Variants in CNTNAP5 observed in about 807,000 individuals in gnomAD.
The protein encoded by CNTNAP5 is contactin associated protein family member 5, also known as contactin-associated protein-like 5.
Under a neutral mutation model 150.2 loss-of-function variants are expected in CNTNAP5, and 72 were observed. That is an observed-to-expected ratio of 0.48 (90% confidence interval 0.40 to 0.58). CNTNAP5 has a LOEUF of 0.58. Ranked by LOEUF, CNTNAP5 falls within the 20% of genes least tolerant of loss-of-function variation. The pLI is 0.00. For missense variants in CNTNAP5, 1,636 were observed against 1,626.2 expected, an observed-to-expected ratio of 1.01 and a Z score of -0.10; for synonymous variants, 672 against 619.8, an observed-to-expected ratio of 1.08 and a Z score of -1.25.
At position 124,637,336 on chromosome 2, in the gene CNTNAP5, C is replaced by G. The variant is rs143317734; in HGVS notation, c.1877-10422C>G. 3.9e-5 allele frequency among the ~76,000 whole-genome samples: 6 copies of G among 152,202 alleles called. No homozygotes were observed. The East Asian group carries it at 1.2e-3, about 29-fold the overall frequency. ...TTGATCTTTTCTGGAGATTAAAAGA[C>G]AGTTGTTAAATAAAATATCCCATAC... On this transcript the variant is annotated intron_variant, in intron 12 of 23. Transcript: ENST00000682447.
chr2:124,901,858 T>C (rs1265012666), intron 21 of CNTNAP5, among the ~76,000 whole-genome samples: 5 of 152,150 alleles, frequency 3.3e-5, no homozygotes, highest in African/African-American at 1.2e-4. Context: ...TAATTTCTCA[T>C]TTTCCTCCAT....
intron 1 of CNTNAP5, among the ~76,000 whole-genome samples, chr2:124,205,200 AT>A (rs1685831609): frequency 6.6e-6 from 1 of 152,070 alleles, no homozygotes; most frequent in African/African-American, 2.4e-5. Flanking sequence ...TGATTGGGTC[AT>A]GGGGGCGGTT....
chr2:124,806,704 A>G (rs958282696), intron 19 of CNTNAP5, among the ~76,000 whole-genome samples: 1 of 152,186 alleles, frequency 6.6e-6, no homozygotes, highest in South Asian at 2.1e-4. Flanking sequence ...AGAAAGAAAA[A>G]AGGAGTGCAC....
chr2:124,228,276 G>A (rs1483080278), intron 2 of CNTNAP5, among the ~76,000 whole-genome samples: 1 of 152,108 alleles, frequency 6.6e-6, no homozygotes, highest in Non-Finnish European at 1.5e-5. Context: ...CTGCCTTTTT[G>A]TTCTATCTGG....
chr2:124,316,678 GC>G (rs1688968464), intron 3 of CNTNAP5, among the ~76,000 whole-genome samples: 1 of 151,592 alleles, frequency 6.6e-6, no homozygotes, highest in South Asian at 2.1e-4. Flanking sequence ...GGTGGCAGGT[GC>G]CTGTAGTCCC....
At chr2:124,737,793 G>A (rs1004985046) in intron 13 of CNTNAP5, among the ~76,000 whole-genome samples, 3 of 152,064 alleles carry the variant, frequency 2.0e-5, no homozygotes, top group African/African-American at 7.2e-5. Flanking sequence ...AGGGTCTGTC[G>A]TCGACTAGCT....
chr2:124,455,549 C>G lies in CNTNAP5; in HGVS notation c.918+8612C>G, dbSNP rs370817866. Among the ~76,000 whole-genome samples, 3 of 152,056 alleles carry G rather than the reference C, an allele frequency of 2.0e-5. No individual in the cohort carries two copies. The East Asian group carries it at 5.8e-4, about 29-fold the overall frequency. On this transcript the variant is annotated intron_variant, in intron 6 of 23. Transcript: ENST00000682447. ...AGACATGATAGAGAAAGAGAGAACC[C>G]TCCCTAAGTCATTCTATGAAGCCAA...
intron 1 of CNTNAP5, among the ~76,000 whole-genome samples, chr2:124,138,676 G>A (rs565361280): frequency 6.6e-6 from 1 of 152,232 alleles, no homozygotes; most frequent in South Asian, 2.1e-4. Context: ...TTGGAGAATT[G>A]GTCCCCGAGT....
intron 3 of CNTNAP5, among the ~76,000 whole-genome samples, chr2:124,364,165 C>T (rs1231771653): frequency 6.6e-6 from 1 of 152,160 alleles, no homozygotes; most frequent in African/African-American, 2.4e-5. Flanking sequence ...CACACTTCTC[C>T]TTTCTTGTTG....
chr2:124,328,440 C>T (rs1558852809), intron 3 of CNTNAP5, among the ~76,000 whole-genome samples: 1 of 152,190 alleles, frequency 6.6e-6, no homozygotes, highest in Non-Finnish European at 1.5e-5. Context: ...TTGAACTCAT[C>T]CCAGAGCTCA....
intron 4 of CNTNAP5, among the ~76,000 whole-genome samples, chr2:124,426,659 C>A (rs923729429): frequency 6.6e-6 from 1 of 152,160 alleles, no homozygotes; most frequent in African/African-American, 2.4e-5. Context: ...CACTCAGGAG[C>A]CCAGCTGGCC....
rs1558743458 is a variant in CNTNAP5 at position 124,707,035 on chromosome 2, GAA to G, written c.2078-40193_2078-40192del. Among the ~76,000 whole-genome samples the G allele has an allele frequency of 2.6e-4, 34 of 132,530 alleles. 6 individuals carry two copies. Among genetic ancestry groups the G allele is most frequent in the East Asian group, 9.1e-4 (4 of 4,408 alleles). The allele number at this position is 132,530 out of a possible 152,430, so 86.9% of individuals were successfully genotyped here. A position where few individuals can be genotyped will look rare whatever the true frequency, so the allele number is the denominator to read the frequency against. ...AGGAGGAGGAGAAGAAGAAGAAGAAGAAGAAGGAGGAGGAGGAGGAGGAGGAG... is the reference window on the plus strand; with the variant it reads ...AGGAGGAGGAGAAGAAGAAGAAGAAGGAAGGAGGAGGAGGAGGAGGAGGAG... On this transcript the variant is annotated intron_variant, in intron 13 of 23. Transcript: ENST00000682447.
chr2:124,718,601 A>G (rs1051982384), intron 13 of CNTNAP5, among the ~76,000 whole-genome samples: 1 of 152,140 alleles, frequency 6.6e-6, no homozygotes, highest in Non-Finnish European at 1.5e-5. Flanking sequence ...GTGATTATGT[A>G]TGTGGAACTG....
At chr2:124,138,139 C>A (rs74858503) in intron 1 of CNTNAP5, among the ~76,000 whole-genome samples, 2 of 152,178 alleles carry the variant, frequency 1.3e-5, no homozygotes, top group Non-Finnish European at 1.5e-5. Context: ...CCGACCTCCT[C>A]TCCCTCCTCT....
chr2:124,863,171 A>G (rs1406517712), intron 19 of CNTNAP5, among the ~76,000 whole-genome samples: 2 of 152,204 alleles, frequency 1.3e-5, no homozygotes, highest in Non-Finnish European at 2.9e-5. Flanking sequence ...AGCCTTAAGG[A>G]ATGTGGGGGT....
At chr2:124,242,663 T>A (rs1686917008) in intron 3 of CNTNAP5, among the ~76,000 whole-genome samples, 1 of 152,148 alleles carries the variant, frequency 6.6e-6, no homozygotes, top group Non-Finnish European at 1.5e-5. Context: ...TCTTCATCTA[T>A]AAAAATTAAT....
At chr2:124,875,913 A>G (rs1677851522) in intron 21 of CNTNAP5, among the ~76,000 whole-genome samples, 1 of 152,018 alleles carries the variant, frequency 6.6e-6, no homozygotes, top group Non-Finnish European at 1.5e-5. Context: ...AAAAGAGAAA[A>G]CAATAGTTGG....
chr2:124,198,014 T>A (rs1165710468), intron 1 of CNTNAP5, among the ~76,000 whole-genome samples: 2 of 151,556 alleles, frequency 1.3e-5, no homozygotes, highest in African/African-American at 2.4e-5. Context: ...ATAATAATAA[T>A]AAAACAATAC....
At chr2:124,544,097 A>G (rs1261650798) in intron 10 of CNTNAP5, among the ~76,000 whole-genome samples, 2 of 152,156 alleles carry the variant, frequency 1.3e-5, no homozygotes, top group African/African-American at 2.4e-5. Flanking sequence ...GTTGGCAAGT[A>G]TCTTCCACCC....
Sources: gnomAD v4.1 joint callset for allele counts (sites outside exome capture counted in the v4.1 genomes callset) on GRCh38, gnomAD v4.1.1 for gene constraint, MANE v1.5 for transcripts, NCBI Gene and HGNC (gene_info 2026-07-23, HGNC 2026-07-21) for gene names.